Variants in PLCZ1 observed in about 807,000 individuals in gnomAD.
PLCZ1 encodes 1-phosphatidylinositol 4,5-bisphosphate phosphodiesterase zeta-1.
Under a neutral mutation model 76.8 loss-of-function variants are expected in PLCZ1, and 64 were observed. The observed-to-expected ratio is 0.83, with a 90% CI of 0.68 to 1.03. The LOEUF is 1.03. Ranked by LOEUF, PLCZ1 falls within the 50% of genes least tolerant of loss-of-function variation. The probability of loss-of-function intolerance (pLI) is 0.00; values close to 1 mark genes in which losing one functional copy is unlikely to be tolerated. For synonymous variants in PLCZ1, 248 were observed against 230.8 expected (o/e 1.07, Z -0.68); for missense variants, 751 against 713.7 (o/e 1.05, Z -0.60).
chr12:18,736,139 G>T lies in PLCZ1; in HGVS notation c.135+82C>A. The T allele has an allele frequency of 2.7e-6, 4 of 1,493,250 alleles. No individual in the cohort carries two copies. In the East Asian group the frequency reaches 6.9e-5, roughly 26 times the overall value. 92.5% of individuals were successfully genotyped at this position (1,493,250 alleles called of 1,614,324 possible). On this transcript the variant is annotated intron_variant, in intron 3 of 14. Transcript: ENST00000266505. The stretch of plus-strand genomic sequence containing the variant: ...TAATTAATTGCTTTTCTTCTTAAGA[G>T]ACTAACCTTTATATGACAATTACTG...
rs182886902 is a variant in PLCZ1, at chr12:18,684,817, A to G, written c.1592-538T>C. On this transcript the variant is annotated intron_variant, in intron 13 of 14. Coordinates refer to ENST00000266505, the MANE Select transcript of PLCZ1 (RefSeq NM_033123.4). ...GAATTGTAATCCCCAGGTGTTTAGG[A>G]AGACACCTGGTAGAAAGTGACTGGA... 3.1e-3 allele frequency among the ~76,000 whole-genome samples: 477 copies of G among 152,094 alleles called. 4 individuals are homozygous for G. Among genetic ancestry groups the G allele is most frequent in the African/African-American group, 0.011 (442 of 41,518 alleles).
At chr12:18,683,473 C>A in intron 14 of PLCZ1, 149 bp from the exon 15 acceptor site, 1 of 1,462,608 alleles carries the variant, frequency 6.8e-7, no homozygotes, top group Middle Eastern at 1.7e-4. Context: ...ATTAATCTTC[C>A]ACAAAAATTA....
chr12:18,653,441 C>T, the PLCZ1 span, among the ~76,000 whole-genome samples: 28 of 152,184 alleles, frequency 1.8e-4, no homozygotes, highest in African/African-American at 6.8e-4. Context: ...GGCCAAGTCT[C>T]ACCTGCTAGG....
intron 4 of PLCZ1, among the ~76,000 whole-genome samples, chr12:18,721,550 A>C (rs764554242): frequency 7.9e-5 from 12 of 151,972 alleles, no homozygotes; most frequent in Non-Finnish European, 1.6e-4. Context: ...TTAATTTACC[A>C]CCTGAAGTTT....
chr12:18,724,446 T>G (rs1958630810), intron 3 of PLCZ1, among the ~76,000 whole-genome samples: 1 of 152,026 alleles, frequency 6.6e-6, no homozygotes, highest in African/African-American at 2.4e-5. Context: ...AGAGGGAGAT[T>G]TAATTTTTTA....
the PLCZ1 span, among the ~76,000 whole-genome samples, chr12:18,672,123 A>G: frequency 2.0e-5 from 3 of 152,232 alleles, no homozygotes; most frequent in African/African-American, 4.8e-5. Flanking sequence ...AAGTGAATTT[A>G]AAGAGATTAT....
chr12:18,664,808 C>T, the PLCZ1 span, among the ~76,000 whole-genome samples: 2 of 151,216 alleles, frequency 1.3e-5, no homozygotes, highest in Non-Finnish European at 2.9e-5. Context: ...ACATATACAC[C>T]ATGGAATACT....
chr12:18,737,470 GA>G lies in PLCZ1; in HGVS notation c.-100del, dbSNP rs1402869218. The G allele has an allele frequency of 1.3e-6, 2 of 1,522,064 alleles. No homozygotes were observed. The highest frequency in any genetic ancestry group is 2.7e-5 in the African/African-American group (2 of 72,782). 94.3% of individuals were successfully genotyped at this position (1,522,064 alleles called of 1,614,324 possible). On this transcript the variant is annotated 5_prime_UTR_variant, in exon 2 of 15. The change abolishes the stop of an existing upstream ORF in the 5' untranslated region. Coordinates refer to ENST00000266505, the MANE Select transcript of PLCZ1 (RefSeq NM_033123.4). ...ATACAATTAACTCTGCCCCTTTGCA[GA>G]AAATAATTTCTTGATACTCATCAGC...
chr12:18,730,134 C>A (rs1021064203), intron 3 of PLCZ1, among the ~76,000 whole-genome samples: 1 of 152,020 alleles, frequency 6.6e-6, no homozygotes, highest in Non-Finnish European at 1.5e-5. Flanking sequence ...TAGTAAACAG[C>A]TAGGATGTCT....
chr12:18,650,392 T>A, the PLCZ1 span, among the ~76,000 whole-genome samples: 5 of 135,792 alleles, frequency 3.7e-5, no homozygotes, highest in African/African-American at 1.5e-4. Context: ...TGTCTGTGTA[T>A]ACACACACAT....
intron 3 of PLCZ1, among the ~76,000 whole-genome samples, chr12:18,724,520 G>T (rs1487063): frequency 0.21 from 31,777 of 151,968 alleles, 3,577 homozygotes; most frequent in East Asian, 0.31. Flanking sequence ...AATGCAAGAA[G>T]CATGTGTTGA....
intron 14 of PLCZ1, among the ~76,000 whole-genome samples, chr12:18,683,865 CAG>C (rs1952693737): frequency 6.6e-6 from 1 of 151,910 alleles, no homozygotes; most frequent in Admixed American, 6.6e-5. Context: ...TTTACTGAAA[CAG>C]AAGAACTAGG....
At chr12:18,678,575 T>C (rs1952154768), downstream of PLCZ1, among the ~76,000 whole-genome samples, 1 of 152,084 alleles carries the variant, frequency 6.6e-6, no homozygotes, top group Non-Finnish European at 1.5e-5. Flanking sequence ...TTGCATTTTT[T>C]GTTCTTTTGA....
chr12:18,696,675 A>C (rs1168048844), intron 10 of PLCZ1, among the ~76,000 whole-genome samples: 1 of 152,032 alleles, frequency 6.6e-6, no homozygotes, highest in African/African-American at 2.4e-5. Context: ...TTTTCACAGT[A>C]GGGCAGAATC....
At chr12:18,695,918 C>T (rs979376507) in intron 11 of PLCZ1, among the ~76,000 whole-genome samples, 12 of 152,014 alleles carry the variant, frequency 7.9e-5, no homozygotes, top group South Asian at 2.1e-4. Context: ...ATTAACTCCT[C>T]GTGAATTTAA....
chr12:18,698,963 G>C (rs1220382542), intron 10 of PLCZ1, among the ~76,000 whole-genome samples: 6 of 152,170 alleles, frequency 3.9e-5, no homozygotes, highest in Admixed American at 1.3e-4. Context: ...AGGATTAGCA[G>C]AGTCACCTGG....
the PLCZ1 span, among the ~76,000 whole-genome samples, chr12:18,660,933 A>G: frequency 6.6e-6 from 1 of 152,144 alleles, no homozygotes; most frequent in Non-Finnish European, 1.5e-5. Flanking sequence ...CAAAGCATGA[A>G]CAAAATAAAA....
chr12:18,664,608 A>AG, the PLCZ1 span, among the ~76,000 whole-genome samples: 1 of 152,074 alleles, frequency 6.6e-6, no homozygotes, highest in East Asian at 1.9e-4. Context: ...TTGCCAGGTC[A>AG]GGGATCTAGA....
downstream of PLCZ1, among the ~76,000 whole-genome samples, chr12:18,679,337 T>G (rs372834292): frequency 6.6e-6 from 1 of 152,088 alleles, no homozygotes; most frequent in Admixed American, 6.6e-5. Context: ...TTATGCCTCA[T>G]GCATTTAATG....
Sources: gnomAD v4.1 joint callset for allele counts (sites outside exome capture counted in the v4.1 genomes callset) on GRCh38, gnomAD v4.1.1 for gene constraint, MANE v1.5 for transcripts, NCBI Gene and HGNC (gene_info 2026-07-23, HGNC 2026-07-21) for gene names.